The following PARP11 variants were observed in gnomAD, a reference collection of about 807,000 sequenced individuals.
PARP11 encodes the protein poly(ADP-ribose) polymerase family member 11, also known as protein mono-ADP-ribosyltransferase PARP11.
A neutral mutation model predicts 42.9 loss-of-function variants in PARP11; 31 were observed. That is an observed-to-expected ratio of 0.72 (90% CI 0.54 to 0.98). The LOEUF (loss-of-function observed/expected upper bound fraction) is 0.98. Ranked by LOEUF, PARP11 falls within the 50% of genes least tolerant of loss-of-function variation. PARP11 has a pLI of 0.00. For synonymous variants in PARP11, 137 were observed against 127.3 expected (o/e 1.08, Z -0.51); for missense variants, 365 against 413.1 (o/e 0.88, Z 1.01).
chr12:3,814,203 T>C lies in PARP11; in HGVS notation c.549-15A>G. On this transcript the variant is annotated splice_polypyrimidine_tract_variant and intron_variant, in intron 6 of 7. Transcript: ENST00000228820. The stretch of plus-strand genomic sequence containing the variant: ...GAGCCTTTTTCCTAAAAACACAATA[T>C]ACACAGACACAAAAGCACACAGAAA... The C allele has an allele frequency of 6.4e-7, 1 of 1,564,668 alleles. No homozygotes were observed. Among genetic ancestry groups the C allele is most frequent in the Middle Eastern group, 1.7e-4 (1 of 5,850 alleles).
intron 1 of PARP11, among the ~76,000 whole-genome samples, chr12:3,837,471 T>A (rs1039093830): frequency 6.6e-6 from 1 of 152,038 alleles, no homozygotes; most frequent in Non-Finnish European, 1.5e-5. Flanking sequence ...AAATAAAAAC[T>A]AATGAGTTAA....
intron 1 of PARP11, among the ~76,000 whole-genome samples, chr12:3,858,812 G>A (rs1023416541): frequency 2.4e-4 from 36 of 152,174 alleles, no homozygotes; most frequent in South Asian, 1.0e-3. Context: ...TATTCAGGCT[G>A]GGTGCGGTGG....
chr12:3,841,203 A>G (rs1281955297), intron 1 of PARP11: 1 of 1,526,832 alleles, frequency 6.5e-7, no homozygotes, highest in African/African-American at 1.4e-5. Flanking sequence ...AGGGAGATCG[A>G]GCCATTGTAC....
At chr12:3,830,274 A>G (rs910266817) in intron 1 of PARP11, among the ~76,000 whole-genome samples, 2 of 152,188 alleles carry the variant, frequency 1.3e-5, no homozygotes, top group African/African-American at 4.8e-5. Context: ...CCATTTAAGT[A>G]AGCTATATCA....
At chr12:3,823,856 C>T (rs1050284982) in intron 4 of PARP11, among the ~76,000 whole-genome samples, 8 of 149,534 alleles carry the variant, frequency 5.3e-5, no homozygotes, top group Admixed American at 4.7e-4. Context: ...GCGGAGGCTG[C>T]AGTGAGCCAA....
chr12:3,856,187 G>T (rs946771118), intron 1 of PARP11, among the ~76,000 whole-genome samples: 3 of 152,124 alleles, frequency 2.0e-5, no homozygotes, highest in African/African-American at 7.2e-5. Flanking sequence ...GAAAACCTAG[G>T]TAATACCATT....
intron 1 of PARP11, among the ~76,000 whole-genome samples, chr12:3,832,462 G>A (rs991079978): frequency 6.6e-6 from 1 of 152,152 alleles, no homozygotes; most frequent in Admixed American, 6.5e-5. Context: ...AAGCCCCACT[G>A]TCTCCTTTTC....
At position 3,840,628 on chromosome 12, in the gene PARP11, G is replaced by GA; in HGVS notation, c.19-10611dup. On this transcript the variant is annotated intron_variant, in intron 1 of 7. Coordinates refer to ENST00000228820, the MANE Select transcript of PARP11 (RefSeq NM_020367.6). This position sits in a 1 kb window ranked among gnomAD's most constrained non-coding sequence, Gnocchi z 4.4. Reference sequence around the variant, plus strand: ...AGAATCTAACTATTGCTACTTCTCAGAGTAGCAATCCATGTGTCCAGAGAA... The same window carrying GA: ...AGAATCTAACTATTGCTACTTCTCAGAAGTAGCAATCCATGTGTCCAGAGAA... 1.6e-6 allele frequency: 2 copies of GA among 1,218,134 alleles called. No homozygotes were observed. The highest frequency in any genetic ancestry group is 2.4e-6 in the Non-Finnish European group (2 of 818,622). The allele number at this position is 1,218,134 out of a possible 1,614,324, so 75.5% of individuals were successfully genotyped here. A position where few individuals can be genotyped will look rare whatever the true frequency, so the allele number is the denominator to read the frequency against.
At position 3,814,068 on chromosome 12, in the gene PARP11, T is replaced by C. The variant is rs1455553173; in HGVS notation, c.669A>G (p.Ile223Met). The C allele has an allele frequency of 6.2e-7, 1 of 1,604,960 alleles. No individual in the cohort carries two copies. The highest frequency in any genetic ancestry group is 8.5e-7 in the Non-Finnish European group (1 of 1,174,394). Residue 223 changes from isoleucine to methionine, a missense_variant, in exon 7 of 8, where the codon ATA (isoleucine) becomes ATG (methionine). Physicochemically the swap from Ile to Met is conservative, Grantham distance 10. Coordinates refer to ENST00000228820, the MANE Select transcript of PARP11 (RefSeq NM_020367.6). Reference sequence around the variant, plus strand: ...CAAAGACAGCACCATGTATACCATTTATTCTCCAATCAAAGTTATGAATGC... The same window carrying C: ...CAAAGACAGCACCATGTATACCATTCATTCTCCAATCAAAGTTATGAATGC... Reference protein sequence around the residue: ...AICIHNFDWRINGIHGAVFGK... With the variant: ...AICIHNFDWRMNGIHGAVFGK...
intron 1 of PARP11, among the ~76,000 whole-genome samples, chr12:3,860,444 C>T (rs1948276639): frequency 6.6e-6 from 1 of 152,148 alleles, no homozygotes; most frequent in African/African-American, 2.4e-5. Context: ...GAGGGCTGGA[C>T]CTCTCAAAGC....
intron 4 of PARP11, chr12:3,824,802 G>T (rs897186056): frequency 6.3e-6 from 1 of 158,462 alleles, no homozygotes; most frequent in Non-Finnish European, 1.4e-5. Context: ...TTTTCTCCCA[G>T]ATTAAATACT....
intron 1 of PARP11, among the ~76,000 whole-genome samples, chr12:3,846,767 AAAAAG>A (rs1467215970): frequency 5.4e-4 from 72 of 134,066 alleles, no homozygotes; most frequent in Non-Finnish European, 9.4e-4. Flanking sequence ...AAAAAAAAAA[AAAAAG>A]AAAAGAAAAA....
intron 1 of PARP11, among the ~76,000 whole-genome samples, chr12:3,854,859 T>C (rs929939869): frequency 6.6e-6 from 1 of 152,190 alleles, no homozygotes; most frequent in Non-Finnish European, 1.5e-5. Context: ...ATATCCCTGA[T>C]GAACATCAAC....
intron 2 of PARP11, 53 bp downstream of exon 2, chr12:3,829,837 G>A (rs1947600013): frequency 1.9e-6 from 3 of 1,576,654 alleles, no homozygotes; most frequent in South Asian, 2.2e-5. Context: ...CATCAGCAAG[G>A]TGATGCTAAG....
intron 4 of PARP11, among the ~76,000 whole-genome samples, chr12:3,822,370 G>C (rs1200741806): frequency 6.6e-6 from 1 of 151,176 alleles, no homozygotes; most frequent in Non-Finnish European, 1.5e-5. Flanking sequence ...AGGCCGAGGC[G>C]AGCGGATCAC....
At chr12:3,863,246 G>C (rs1948331148) in intron 1 of PARP11, among the ~76,000 whole-genome samples, 1 of 152,138 alleles carries the variant, frequency 6.6e-6, no homozygotes, top group Non-Finnish European at 1.5e-5. Flanking sequence ...TCATTTATTA[G>C]TTCTAAGAGC....
chr12:3,837,412 G>T (rs1243244748), intron 1 of PARP11, among the ~76,000 whole-genome samples: 3 of 152,304 alleles, frequency 2.0e-5, no homozygotes, highest in South Asian at 2.1e-4. Flanking sequence ...AGATGTGTTT[G>T]TAAGTCTTGC....
intron 6 of PARP11, among the ~76,000 whole-genome samples, chr12:3,819,722 G>A (rs756209928): frequency 2.0e-5 from 3 of 152,144 alleles, no homozygotes; most frequent in East Asian, 1.9e-4. Context: ...AAGGCCCCAC[G>A]TGGTCTAGCC....
intron 6 of PARP11, among the ~76,000 whole-genome samples, chr12:3,820,414 C>T (rs1379541561): frequency 1.3e-5 from 2 of 152,122 alleles, no homozygotes; most frequent in African/African-American, 4.8e-5. Context: ...ACTGTCATGG[C>T]AGGTGGCAGG....
Sources: gnomAD v4.1 joint callset for allele counts (sites outside exome capture counted in the v4.1 genomes callset) on GRCh38, gnomAD v4.1.1 for gene constraint, Gnocchi (gnomAD v3.1) non-coding constraint, MANE v1.5 for transcripts, NCBI Gene and HGNC (gene_info 2026-07-23, HGNC 2026-07-21) for gene names.